Variants in PSME4 observed in about 807,000 individuals in gnomAD.
PSME4 encodes proteasome activator subunit 4.
A neutral mutation model predicts 253.9 loss-of-function variants in PSME4; 89 were observed. That is an observed-to-expected ratio of 0.35 (90% CI 0.30 to 0.42). PSME4 has a LOEUF of 0.42. Ranked by LOEUF, PSME4 falls within the 10% of genes least tolerant of loss-of-function variation. The pLI, the probability that PSME4 is intolerant of heterozygous loss-of-function variation, is 1.00. For synonymous variants in PSME4, 851 were observed against 759.2 expected (o/e 1.12, Z -1.99); for missense variants, 2,014 against 2,195.2 (o/e 0.92, Z 1.65).
chr2:53,906,953 G>C, intron 24 of PSME4, 85 bp from the exon 25 acceptor site: 1 of 1,206,018 alleles, frequency 8.3e-7, no homozygotes, highest in Non-Finnish European at 1.2e-6. Context: ...TTAATAAGTG[G>C]TCAAAAAGGT....
At chr2:53,970,393 G>T in intron 1 of PSME4, 150 bp downstream of exon 1, 1 of 1,334,314 alleles carries the variant, frequency 7.5e-7, no homozygotes, top group Non-Finnish European at 1.0e-6. Flanking sequence ...TACTTCACAG[G>T]CTCTGTCACG....
chr2:53,913,298 C>G (rs576290074), intron 20 of PSME4, among the ~76,000 whole-genome samples: 142 of 152,208 alleles, frequency 9.3e-4, no homozygotes, highest in Non-Finnish European at 1.3e-3. Context: ...ATTCGTACCA[C>G]TAGATGGGAA....
chr2:53,896,796 G>T lies in PSME4; in HGVS notation c.3688+8C>A. The T allele has an allele frequency of 6.3e-7, 1 of 1,585,466 alleles. No individual in the cohort carries two copies. Among genetic ancestry groups the T allele is most frequent in the South Asian group, 1.1e-5 (1 of 90,466 alleles). On this transcript the variant is annotated splice_region_variant and intron_variant, in intron 32 of 46. Transcript: ENST00000404125. Reference sequence around the variant, plus strand: ...AAAGCACTATTAATTACTTCTGGTAGTACTCACTGATTTCACAGGGGTTAA... The same window carrying T: ...AAAGCACTATTAATTACTTCTGGTATTACTCACTGATTTCACAGGGGTTAA...
chr2:53,934,489 A>C (rs1669011202), intron 8 of PSME4, 116 bp downstream of exon 8: 1 of 1,045,330 alleles, frequency 9.6e-7, no homozygotes, highest in African/African-American at 1.6e-5. Flanking sequence ...AAAATATCCA[A>C]GAATCAAGTC....
chr2:53,868,088 T>C (rs752964743), intron 44 of PSME4, among the ~76,000 whole-genome samples: 67 of 152,262 alleles, frequency 4.4e-4, no homozygotes, highest in Non-Finnish European at 7.2e-4. Flanking sequence ...GAATTTGGAC[T>C]GGTCAAAATT....
intron 1 of PSME4, among the ~76,000 whole-genome samples, chr2:53,951,094 T>TC (rs947732181): frequency 5.9e-5 from 9 of 152,106 alleles, no homozygotes; most frequent in South Asian, 2.1e-4. Context: ...TTCTTTTTTT[T>TC]CCCCCCAAGA....
At chr2:53,866,936 T>C (rs2104405923) in intron 44 of PSME4, 56 bp from the exon 45 acceptor site, 4 of 1,499,016 alleles carry the variant, frequency 2.7e-6, no homozygotes, top group East Asian at 2.3e-5. Context: ...AATGCACTTG[T>C]TACAGTGAGA....
intron 36 of PSME4, among the ~76,000 whole-genome samples, chr2:53,892,588 C>A (rs1679960703): frequency 6.6e-6 from 1 of 151,734 alleles, no homozygotes; most frequent in Non-Finnish European, 1.5e-5. Context: ...ATTTTTTCCC[C>A]CAATGTGGAT....
intron 3 of PSME4, among the ~76,000 whole-genome samples, chr2:53,946,425 T>G (rs979401627): frequency 1.3e-5 from 2 of 152,212 alleles, no homozygotes; most frequent in Non-Finnish European, 2.9e-5. Context: ...TCTATGGCCA[T>G]ACCACCCTGA....
intron 28 of PSME4, 55 bp downstream of exon 28, chr2:53,901,295 T>C: frequency 1.4e-6 from 2 of 1,473,850 alleles, no homozygotes; most frequent in East Asian, 2.3e-5. Flanking sequence ...ATAAAGGGCA[T>C]TTTAACAAGA....
At chr2:53,900,590 G>A (rs966073448) in intron 28 of PSME4, among the ~76,000 whole-genome samples, 5 of 152,144 alleles carry the variant, frequency 3.3e-5, no homozygotes, top group Non-Finnish European at 7.3e-5. Flanking sequence ...ACACAGCCCT[G>A]TGAATATTCT....
At chr2:53,917,976 C>A (rs1425829951) in intron 20 of PSME4, among the ~76,000 whole-genome samples, 3 of 152,326 alleles carry the variant, frequency 2.0e-5, no homozygotes, top group Non-Finnish European at 4.4e-5. Context: ...ATGACCCTAA[C>A]TTCTCCTTCT....
intron 17 of PSME4, among the ~76,000 whole-genome samples, chr2:53,922,220 C>T (rs1668359830): frequency 6.6e-6 from 1 of 151,942 alleles, no homozygotes; most frequent in East Asian, 1.9e-4. Context: ...TGATTGATGG[C>T]CAAATTTAAA....
chr2:53,891,629 G>T (rs1307623336), intron 36 of PSME4, among the ~76,000 whole-genome samples: 1 of 152,150 alleles, frequency 6.6e-6, no homozygotes, highest in African/African-American at 2.4e-5. Flanking sequence ...GGGAGGCCAA[G>T]GTAGGTGGAG....
chr2:53,935,558 T>G (rs549337058), intron 7 of PSME4, among the ~76,000 whole-genome samples: 1 of 152,290 alleles, frequency 6.6e-6, no homozygotes, highest in East Asian at 1.9e-4. Context: ...TACTGTGATC[T>G]AAAAAGTGGG....
chr2:53,940,346 C>A (rs1325450316), intron 3 of PSME4, among the ~76,000 whole-genome samples: 1 of 152,072 alleles, frequency 6.6e-6, no homozygotes, highest in Non-Finnish European at 1.5e-5. Context: ...ATAATTTTTA[C>A]TAAAATACTT....
intron 3 of PSME4, among the ~76,000 whole-genome samples, chr2:53,946,019 A>T (rs1484986391): frequency 6.6e-6 from 1 of 152,230 alleles, no homozygotes; most frequent in Non-Finnish European, 1.5e-5. Flanking sequence ...AAAACTTTTA[A>T]GGACAAGGAT....
Position 53,937,603 on chromosome 2 carries a change from T to C in PSME4, c.546-63A>G. 3 of 1,486,164 alleles carry C rather than the reference T, an allele frequency of 2.0e-6. No individual in the cohort carries two copies. In the South Asian group the frequency reaches 3.7e-5, roughly 18 times the overall value. The allele number at this position is 1,486,164 out of a possible 1,614,324, so 92.1% of individuals were successfully genotyped here. A position where few individuals can be genotyped will look rare whatever the true frequency, so the allele number is the denominator to read the frequency against. On this transcript the variant is annotated intron_variant, in intron 4 of 46. Coordinates refer to ENST00000404125, the MANE Select transcript of PSME4 (RefSeq NM_014614.3). ...GGCTAAAAGCTCTACAACAGCAATA[T>C]ATATAACTGACCAAAAGGCTGGGGG...
At chr2:53,936,295 G>T in intron 6 of PSME4, 134 bp from the exon 7 acceptor site, 1 of 1,276,276 alleles carries the variant, frequency 7.8e-7, no homozygotes, top group Non-Finnish European at 1.0e-6. Flanking sequence ...TTATGACTTT[G>T]TTTTTTTTAA....
Sources: gnomAD v4.1 joint callset for allele counts (sites outside exome capture counted in the v4.1 genomes callset) on GRCh38, gnomAD v4.1.1 for gene constraint, MANE v1.5 for transcripts, NCBI Gene and HGNC (gene_info 2026-07-23, HGNC 2026-07-21) for gene names.